Variants in SIN3B observed in about 807,000 individuals in gnomAD.
The protein encoded by SIN3B is paired amphipathic helix protein Sin3b.
In SIN3B, 19 loss-of-function variants were observed where a neutral mutation model predicts 120.2. The observed-to-expected ratio is 0.16, with a 90% CI of 0.11 to 0.23. The LOEUF (loss-of-function observed/expected upper bound fraction) is 0.23. Ranked by LOEUF, SIN3B falls within the 10% of genes least tolerant of loss-of-function variation. The probability of loss-of-function intolerance (pLI) is 1.00; values close to 1 mark genes in which losing one functional copy is unlikely to be tolerated. For missense variants in SIN3B, 1,073 were observed against 1,573.0 expected, an observed-to-expected ratio of 0.68 and a Z score of 5.38; for synonymous variants, 654 against 653.2, an observed-to-expected ratio of 1.00 and a Z score of -0.02.
At position 16,869,024 on chromosome 19, in the gene SIN3B, G is replaced by A. The variant is rs956350838; in HGVS notation, c.1807-436G>A. ...TAGCATGGTGTGGGCAGCCCCGGTCGAGCTGGAATCAGGCGCCACCGTTGC... is the reference window on the plus strand; with the variant it reads ...TAGCATGGTGTGGGCAGCCCCGGTCAAGCTGGAATCAGGCGCCACCGTTGC... On this transcript the variant is annotated intron_variant, in intron 12 of 18. Transcript: ENST00000248054. Among the ~76,000 whole-genome samples, 4 of 152,142 alleles carry A rather than the reference G, an allele frequency of 2.6e-5. No homozygotes were observed. In the East Asian group the frequency reaches 5.8e-4, roughly 22 times the overall value.
intron 6 of SIN3B, among the ~76,000 whole-genome samples, chr19:16,852,290 T>TG (rs1001186439): frequency 5.9e-5 from 9 of 151,922 alleles, no homozygotes; most frequent in Admixed American, 4.6e-4. Flanking sequence ...CTTTCTCCTG[T>TG]GGGGGGATGG....
intron 6 of SIN3B, among the ~76,000 whole-genome samples, chr19:16,851,931 C>G (rs1971551554): frequency 1.3e-5 from 2 of 152,226 alleles, no homozygotes; most frequent in African/African-American, 4.8e-5. Context: ...ACGCCTTTCA[C>G]CTGCAATGGT....
chr19:16,859,058 G>C (rs982365087), intron 8 of SIN3B, among the ~76,000 whole-genome samples: 1 of 152,164 alleles, frequency 6.6e-6, no homozygotes, highest in African/African-American at 2.4e-5. Context: ...GGTTGAGGTG[G>C]CTGGATCGCT....
intron 8 of SIN3B, among the ~76,000 whole-genome samples, chr19:16,856,927 C>T (rs11671121): frequency 0.37 from 56,567 of 151,912 alleles, 11,629 homozygotes; most frequent in Non-Finnish European, 0.46. Context: ...TTAACATGAT[C>T]AGTCCATTCA....
intron 3 of SIN3B, among the ~76,000 whole-genome samples, chr19:16,834,048 T>C (rs893875425): frequency 6.6e-6 from 1 of 152,132 alleles, no homozygotes; most frequent in African/African-American, 2.4e-5. Context: ...AAAGGGGAAC[T>C]TGGAAGCGTG....
chr19:16,855,825 G>C (rs571269240), intron 8 of SIN3B: 2 of 152,380 alleles, frequency 1.3e-5, no homozygotes, highest in Admixed American at 1.3e-4. Context: ...GGAGGCCGAG[G>C]TGGGTGGATC....
chr19:16,870,137 A>G (rs576749262), intron 13 of SIN3B, 62 bp downstream of exon 13: 60 of 1,384,468 alleles, frequency 4.3e-5, no homozygotes, highest in Non-Finnish European at 5.2e-5. Flanking sequence ...GTCACAGCTC[A>G]TGATCTGACA....
Position 16,876,572 on chromosome 19 carries a change from G to A in SIN3B, c.2853G>A (p.Glu951=), listed in dbSNP as rs1216769844. The change falls in exon 16 of 19, where the codon GAG becomes GAA. Residue 951 remains glutamate, a synonymous_variant. Transcript: ENST00000248054. This position sits in a 1 kb window ranked among gnomAD's most constrained non-coding sequence, Gnocchi z 7.1. ...TEEAQTEDPV[E]VQHLARYVEQ... The stretch of plus-strand genomic sequence containing the variant: ...AGGCCCAGACGGAGGACCCTGTGGA[G>A]GTCCAGGTGAGGCCCTGGCCCCAGT... The A allele has an allele frequency of 6.8e-6, 11 of 1,612,840 alleles. No individual in the cohort carries two copies. The highest frequency in any genetic ancestry group is 8.5e-6 in the Non-Finnish European group (10 of 1,179,528).
rs897734814 is a variant in SIN3B, at chr19:16,833,870, C to T, written c.381+2223C>T. The stretch of plus-strand genomic sequence containing the variant: ...TGCTGAGTAGCTGGGATTACAGGCA[C>T]GCTTCATCATGCCCGGCTAATTTTT... On this transcript the variant is annotated intron_variant, in intron 3 of 18. Transcript: ENST00000248054. Among the ~76,000 whole-genome samples, 11 of 151,588 alleles carry T rather than the reference C, an allele frequency of 7.3e-5. 1 individual carries two copies. Among genetic ancestry groups the T allele is most frequent in the African/African-American group, 2.4e-4 (10 of 41,298 alleles).
chr19:16,869,448 T>G lies in SIN3B; in HGVS notation c.1807-12T>G, dbSNP rs779479652. 1.3e-6 allele frequency: 2 copies of G among 1,596,400 alleles called. No individual in the cohort carries two copies. Among genetic ancestry groups the G allele is most frequent in the Non-Finnish European group, 1.7e-6 (2 of 1,167,918 alleles). On this transcript the variant is annotated splice_polypyrimidine_tract_variant and intron_variant, in intron 12 of 18. Coordinates refer to ENST00000248054, the MANE Select transcript of SIN3B (RefSeq NM_001297595.2). ...GTGGCTTTCCACCTAATGGCCGCCC[T>G]TCCCCCCACAGCACCAGGAGCAGCA... is the stretch of plus-strand genomic sequence containing the variant.
intron 14 of SIN3B, among the ~76,000 whole-genome samples, chr19:16,874,864 TTAGTCTGGTC>T (rs1480826192): frequency 6.6e-6 from 1 of 151,856 alleles, no homozygotes. Flanking sequence ...TGGTTTGGTT[TTAGTCTGGTC>T]TAGTCTGGTC....
chr19:16,864,923 C>G (rs1971743046), intron 10 of SIN3B, among the ~76,000 whole-genome samples: 1 of 151,934 alleles, frequency 6.6e-6, no homozygotes, highest in South Asian at 2.1e-4. Flanking sequence ...CAACCTCCAC[C>G]TCCTGGGTTC....
rs888983214 is a variant in SIN3B, at chr19:16,878,165, A to G, written c.2955-18A>G. The G allele has an allele frequency of 1.9e-5, 30 of 1,540,200 alleles. No individual in the cohort carries two copies. The highest frequency in any genetic ancestry group is 2.5e-5 in the Non-Finnish European group (29 of 1,139,492). On this transcript the variant is annotated intron_variant, in intron 17 of 18. Coordinates refer to ENST00000248054, the MANE Select transcript of SIN3B (RefSeq NM_001297595.2). ...AATGCCGAGAGCCAGAGTCCATTCC[A>G]CCTCCTTTCGCCCCCAGGAACCTCA...
chr19:16,876,272 C>G lies in SIN3B; in HGVS notation c.2766+44C>G. 1 of 1,574,254 alleles carries G rather than the reference C, an allele frequency of 6.4e-7. No homozygotes were observed. The highest frequency in any genetic ancestry group is 2.3e-5 in the East Asian group (1 of 44,362). ...CTGGGAACACGCCGGGAGGCCCGGCCGCTCACTCCGCTCTGGACTCAGTCC... is the reference window on the plus strand; with the variant it reads ...CTGGGAACACGCCGGGAGGCCCGGCGGCTCACTCCGCTCTGGACTCAGTCC... On this transcript the variant is annotated intron_variant, in intron 15 of 18. Coordinates refer to ENST00000248054, the MANE Select transcript of SIN3B (RefSeq NM_001297595.2). The surrounding 1 kb of genome is among the most constrained non-coding windows in gnomAD (Gnocchi z 7.1).
intron 6 of SIN3B, 43 bp downstream of exon 6, chr19:16,851,577 C>T: frequency 1.3e-6 from 2 of 1,531,246 alleles, no homozygotes; most frequent in Non-Finnish European, 1.8e-6. Flanking sequence ...CGCGGGGCCC[C>T]CAGCAAATCG....
chr19:16,847,737 CTT>C (rs1028751769), intron 5 of SIN3B, among the ~76,000 whole-genome samples: 2 of 152,184 alleles, frequency 1.3e-5, no homozygotes, highest in African/African-American at 4.8e-5. Context: ...GATCATAAGA[CTT>C]TTTTAAAAAT....
intron 4 of SIN3B, among the ~76,000 whole-genome samples, chr19:16,845,726 CTTTA>C (rs561925289): frequency 5.3e-5 from 8 of 151,940 alleles, no homozygotes; most frequent in Non-Finnish European, 8.8e-5. Context: ...TTCTTTTCTT[CTTTA>C]TTTATTTTAG....
intron 3 of SIN3B, among the ~76,000 whole-genome samples, chr19:16,841,030 T>C (rs1971410570): frequency 6.6e-6 from 1 of 152,200 alleles, no homozygotes; most frequent in African/African-American, 2.4e-5. Context: ...CCAGCCCTTG[T>C]GTGCTGGGGA....
At position 16,856,335 on chromosome 19, in the gene SIN3B, G is replaced by A. The variant is rs115238948; in HGVS notation, c.1058+2074G>A. On this transcript the variant is annotated intron_variant, in intron 8 of 18. Transcript: ENST00000248054. ...TGCACATCAGCCCTGTGACTAGGGT[G>A]AGTCACTTGGGCAGTCTGAGCCTCT... Among the ~76,000 whole-genome samples, 1,167 of 152,288 alleles carry A rather than the reference G, an allele frequency of 7.7e-3. 12 individuals are homozygous for A. Among genetic ancestry groups the A allele is most frequent in the African/African-American group, 0.027 (1,112 of 41,552 alleles).
Sources: allele counts gnomAD v4.1 joint callset (sites outside exome capture counted in the v4.1 genomes callset), GRCh38; gene constraint gnomAD v4.1.1; non-coding constraint Gnocchi (gnomAD v3.1); transcripts MANE v1.5; gene names NCBI Gene and HGNC (gene_info 2026-07-23, HGNC 2026-07-21).